Variants in CLSTN3 observed in about 807,000 individuals in gnomAD.
CLSTN3 encodes calsyntenin 3, also known as calsyntenin-3.
CLSTN3 carries 36 observed loss-of-function variants against 95.9 expected under a neutral mutation model. The ratio of observed to expected loss-of-function variants is 0.38; its 90% CI spans 0.29 to 0.50. The LOEUF (loss-of-function observed/expected upper bound fraction) is 0.50. CLSTN3 is among the 20% of genes least tolerant of loss of function. CLSTN3 has a pLI of 0.95. For missense variants in CLSTN3, 1,084 were observed against 1,268.8 expected (o/e 0.85, Z 2.21); for synonymous variants, 481 against 504.0 (o/e 0.95, Z 0.61).
At position 7,149,788 on chromosome 12, in the gene CLSTN3, G is replaced by T; in HGVS notation, c.2245+95G>T. 8.3e-7 allele frequency: 1 copy of T among 1,208,834 alleles called. No individual in the cohort carries two copies. The highest frequency in any genetic ancestry group is 1.2e-6 in the Non-Finnish European group (1 of 865,298). The allele number at this position is 1,208,834 out of a possible 1,614,324, so 74.9% of individuals were successfully genotyped here. ...CCAGAGGGTCCTCCTTCCAGGTCCAGGGATGTGGACAAGTGCCGTTTTGCA... is the reference window on the plus strand; with the variant it reads ...CCAGAGGGTCCTCCTTCCAGGTCCATGGATGTGGACAAGTGCCGTTTTGCA... On this transcript the variant is annotated intron_variant, in intron 14 of 17. Transcript: ENST00000266546. The surrounding 1 kb of genome is among the most constrained non-coding windows in gnomAD (Gnocchi z 4.5).
chr12:7,142,044 C>T, intron 9 of CLSTN3, 42 bp from the exon 10 acceptor site: 1 of 1,475,636 alleles, frequency 6.8e-7, no homozygotes, highest in African/African-American at 1.4e-5. Context: ...CTCCACATCC[C>T]TGAGCTCACC....
chr12:7,142,053 C>G (rs762767413), intron 9 of CLSTN3, 33 bp from the exon 10 acceptor site: 1 of 1,465,908 alleles, frequency 6.8e-7, no homozygotes, highest in African/African-American at 1.5e-5. Context: ...CCTGAGCTCA[C>G]CAGCACTGTT....
intron 12 of CLSTN3, 83 bp from the exon 13 acceptor site, chr12:7,148,889 T>C: frequency 8.8e-7 from 1 of 1,139,916 alleles, no homozygotes; most frequent in Non-Finnish European, 1.3e-6. Context: ...TAGAGGTAGC[T>C]GGGGCGGGGA....
At chr12:7,146,063 C>A (rs77946551) in intron 12 of CLSTN3, among the ~76,000 whole-genome samples, 12,591 of 152,244 alleles carry the variant, frequency 0.083, 580 homozygotes, top group South Asian at 0.23. Context: ...TACTCTGAGG[C>A]TAGGTGAGTG....
chr12:7,152,394 C>T (rs757938132), intron 16 of CLSTN3, among the ~76,000 whole-genome samples: 1 of 152,244 alleles, frequency 6.6e-6, no homozygotes, highest in East Asian at 1.9e-4. Context: ...TGACCCTGTT[C>T]AGTGTTACTC....
intron 12 of CLSTN3, among the ~76,000 whole-genome samples, chr12:7,146,002 T>C (rs964314834): frequency 6.6e-6 from 1 of 152,198 alleles, no homozygotes; most frequent in African/African-American, 2.4e-5. Context: ...TCTGGCCCAT[T>C]GCCTCCTAAC....
chr12:7,150,813 A>G lies in CLSTN3; in HGVS notation c.2392-115A>G. On this transcript the variant is annotated intron_variant, in intron 15 of 17. Transcript: ENST00000266546. This position sits in a 1 kb window ranked among gnomAD's most constrained non-coding sequence, Gnocchi z 4.0. ...AGCGTGGAGGGCTGCTGGACCTTGC[A>G]GTGGGTGGAGGAGAAGGAGATGGGG... 1 of 1,550,328 alleles carries G rather than the reference A, an allele frequency of 6.5e-7. No individual in the cohort carries two copies. Among genetic ancestry groups the G allele is most frequent in the Non-Finnish European group, 8.8e-7 (1 of 1,139,514 alleles).
At position 7,145,340 on chromosome 12, in the gene CLSTN3, T is replaced by A. The variant is rs979860943; in HGVS notation, c.1847+2029T>A. Among the ~76,000 whole-genome samples, 17 of 83,690 alleles carry A rather than the reference T, an allele frequency of 2.0e-4. No homozygotes were observed. The East Asian group carries it at 6.3e-3, about 31-fold the overall frequency. The allele number at this position is 83,690 out of a possible 152,430, so 54.9% of individuals were successfully genotyped here. On this transcript the variant is annotated intron_variant, in intron 12 of 17. Coordinates refer to ENST00000266546, the MANE Select transcript of CLSTN3 (RefSeq NM_014718.4). ...TTCCCTGAGGTCACGGGAGAAAATA[T>A]AGAGGGGTGTGTGTGTGTGTGTGTG...
rs1421743752 is a variant in CLSTN3 at position 7,158,019 on chromosome 12, G to A, written c.2809G>A (p.Val937Met). 10 of 1,550,964 alleles carry A rather than the reference G, an allele frequency of 6.4e-6. No homozygotes were observed. The highest frequency in any genetic ancestry group is 2.4e-5 in the East Asian group (1 of 40,894). Reference sequence around the variant, plus strand: ...GGATGAGGACAGCAGTGACTCGGAGGTGGCCGATTCCCCCAGCAGCGACGA... The same window carrying A: ...GGATGAGGACAGCAGTGACTCGGAGATGGCCGATTCCCCCAGCAGCGACGA... The part of the protein sequence containing the change: ...QEDEDSSDSE[V>M]ADSPSSDERR... The change falls in exon 18 of 18, where the codon GTG becomes ATG. Residue 937 changes from valine (V) to methionine (M), a missense_variant. Physicochemically the swap from Val to Met is conservative, Grantham distance 21. Coordinates refer to ENST00000266546, the MANE Select transcript of CLSTN3 (RefSeq NM_014718.4).
chr12:7,137,405 C>T lies in CLSTN3; in HGVS notation c.1210+295C>T, dbSNP rs781110949. The stretch of plus-strand genomic sequence containing the variant: ...TGTCCCCACCCCCCATCTCCACCTC[C>T]ATTAAAGCCCCTCCATTGCAATGGG... On this transcript the variant is annotated intron_variant, in intron 7 of 17. Transcript: ENST00000266546. This position sits in a 1 kb window ranked among gnomAD's most constrained non-coding sequence, Gnocchi z 4.4. 13 of 402,634 alleles carry T rather than the reference C, an allele frequency of 3.2e-5. No individual in the cohort carries two copies. Among genetic ancestry groups the T allele is most frequent in the African/African-American group, 1.8e-4 (9 of 50,078 alleles). The allele number at this position is 402,634 out of a possible 1,614,324, so 24.9% of individuals were successfully genotyped here.
chr12:7,142,203 CT>C, intron 10 of CLSTN3, 64 bp downstream of exon 10: 3 of 1,390,190 alleles, frequency 2.2e-6, no homozygotes, highest in Admixed American at 1.9e-5. Context: ...TCTGAGATCC[CT>C]TTTCCACCCC....
At chr12:7,146,817 T>C (rs1329980197) in intron 12 of CLSTN3, among the ~76,000 whole-genome samples, 1 of 152,200 alleles carries the variant, frequency 6.6e-6, no homozygotes, top group Non-Finnish European at 1.5e-5. Flanking sequence ...GCATTGCTCA[T>C]TGCAGGGAGG....
chr12:7,140,215 A>G (rs1473363261), intron 8 of CLSTN3, among the ~76,000 whole-genome samples: 1 of 152,150 alleles, frequency 6.6e-6, no homozygotes, highest in Non-Finnish European at 1.5e-5. Flanking sequence ...CAGCCACTTG[A>G]GCAGCTAGAT....
rs1027879261 is a variant in CLSTN3 at position 7,157,545 on chromosome 12, A to G, written c.2584A>G (p.Met862Val). ...IVVCVGFLVL[M>V]VVLGLVRIHS... is the part of the protein sequence containing the mutation. ...GGTGTGCGTGGGCTTCCTGGTGCTC[A>G]TGGTCGTCCTGGGCCTGGTGCGCAT... The change falls in exon 17 of 18, where the codon ATG (methionine) becomes GTG (valine). Residue 862 changes from methionine to valine, a missense_variant. Coordinates refer to ENST00000266546, the MANE Select transcript of CLSTN3 (RefSeq NM_014718.4). The surrounding 1 kb of genome is among the most constrained non-coding windows in gnomAD (Gnocchi z 5.9). 9.9e-6 allele frequency: 16 copies of G among 1,611,072 alleles called. No individual in the cohort carries two copies. Among genetic ancestry groups the G allele is most frequent in the Non-Finnish European group, 1.4e-5 (16 of 1,178,736 alleles).
chr12:7,138,111 C>T, intron 8 of CLSTN3, 44 bp downstream of exon 8: 2 of 1,484,322 alleles, frequency 1.3e-6, no homozygotes, highest in Non-Finnish European at 9.4e-7. Context: ...GTAGATGTGA[C>T]TCACTTTTAG....
intron 16 of CLSTN3, chr12:7,156,733 T>G: frequency 2.2e-6 from 1 of 456,786 alleles, no homozygotes; most frequent in Non-Finnish European, 4.4e-6. Context: ...CACCGTTCTG[T>G]GTCTCAGTGC....
rs77231261 is a variant in CLSTN3 at position 7,152,825 on chromosome 12, C to T, written c.2527+1762C>T. Among the ~76,000 whole-genome samples, 281 of 152,304 alleles carry T rather than the reference C, an allele frequency of 1.8e-3. 5 individuals carry two copies. The East Asian group carries it at 0.034, about 18-fold the overall frequency. Reference sequence around the variant, plus strand: ...AGTTCAAGTGCCTTACCCAAGTTCACGCAGCTAGAAAGTAAGTGGAGCCAG... The same window carrying T: ...AGTTCAAGTGCCTTACCCAAGTTCATGCAGCTAGAAAGTAAGTGGAGCCAG... On this transcript the variant is annotated intron_variant, in intron 16 of 17. Transcript: ENST00000266546.
In CLSTN3 at chr12:7,157,921, T is replaced by G; in HGVS notation, c.2731-20T>G. 6.5e-7 allele frequency: 1 copy of G among 1,549,644 alleles called. No individual in the cohort carries two copies. Among genetic ancestry groups the G allele is most frequent in the Non-Finnish European group, 8.7e-7 (1 of 1,146,868 alleles). On this transcript the variant is annotated intron_variant, in intron 17 of 17. Coordinates refer to ENST00000266546, the MANE Select transcript of CLSTN3 (RefSeq NM_014718.4). The surrounding 1 kb of genome is among the most constrained non-coding windows in gnomAD (Gnocchi z 5.9). Reference sequence around the variant, plus strand: ...TGTGCAGGCCATTGATCCCTTCTCCTCTCTGTTCCTGCCCTCCAGTCCTAC... The same window carrying G: ...TGTGCAGGCCATTGATCCCTTCTCCGCTCTGTTCCTGCCCTCCAGTCCTAC...
In CLSTN3 at chr12:7,133,236, G is replaced by C; in HGVS notation, c.187+90G>C. 1.3e-6 allele frequency: 2 copies of C among 1,515,152 alleles called. No individual in the cohort carries two copies. Among genetic ancestry groups the C allele is most frequent in the East Asian group, 4.5e-5 (2 of 44,036 alleles). The allele number at this position is 1,515,152 out of a possible 1,614,324, so 93.9% of individuals were successfully genotyped here. ...GCAAGGGAGGGAGGGAAGGTCCTGG[G>C]AGTGATGAGAAAGTAAGGGAAGATA... On this transcript the variant is annotated intron_variant, in intron 2 of 17. Coordinates refer to ENST00000266546, the MANE Select transcript of CLSTN3 (RefSeq NM_014718.4). The surrounding 1 kb of genome is among the most constrained non-coding windows in gnomAD (Gnocchi z 4.7).
Sources: allele counts gnomAD v4.1 joint callset (sites outside exome capture counted in the v4.1 genomes callset), GRCh38; gene constraint gnomAD v4.1.1; non-coding constraint Gnocchi (gnomAD v3.1); transcripts MANE v1.5; gene names NCBI Gene and HGNC (gene_info 2026-07-23, HGNC 2026-07-21).